Variants in KAZN observed in about 807,000 individuals in gnomAD.
KAZN encodes kazrin.
In KAZN, 40 loss-of-function variants were observed where a neutral mutation model predicts 87.4. That is an observed-to-expected ratio of 0.46 (90% CI 0.36 to 0.60). KAZN has a LOEUF of 0.60. Ranked by LOEUF, KAZN falls within the 20% of genes least tolerant of loss-of-function variation. The probability of loss-of-function intolerance (pLI) is 0.00; values close to 1 mark genes in which losing one functional copy is unlikely to be tolerated. For synonymous variants in KAZN, 466 were observed against 458.3 expected, an observed-to-expected ratio of 1.02 and a Z score of -0.22; for missense variants, 898 against 1,073.9, an observed-to-expected ratio of 0.84 and a Z score of 2.29.
intron 2 of KAZN, among the ~76,000 whole-genome samples, chr1:14,410,365 G>A (rs1664209087): frequency 6.6e-6 from 1 of 152,156 alleles, no homozygotes; most frequent in African/African-American, 2.4e-5. Flanking sequence ...GCCTTCCAAA[G>A]TGCTAGGACT....
At chr1:14,894,978 G>A (rs1475166015) in intron 1 of KAZN, among the ~76,000 whole-genome samples, 1 of 152,260 alleles carries the variant, frequency 6.6e-6, no homozygotes, top group Non-Finnish European at 1.5e-5. Context: ...TAGCCATTTG[G>A]CACAGAAGGC....
At chr1:14,823,007 C>A (rs1646780557) in intron 1 of KAZN, among the ~76,000 whole-genome samples, 1 of 152,144 alleles carries the variant, frequency 6.6e-6, no homozygotes, top group African/African-American at 2.4e-5. Context: ...GGGGGCTTCC[C>A]AAAGAAAATG....
At chr1:14,362,463 T>A (rs557380807) in intron 2 of KAZN, among the ~76,000 whole-genome samples, 2 of 152,154 alleles carry the variant, frequency 1.3e-5, no homozygotes, top group Admixed American at 6.5e-5. Context: ...TTCAACACCT[T>A]CACTATATTT....
Position 15,020,789 on chromosome 1 carries a change from A to C in KAZN, c.419-13960A>C, listed in dbSNP as rs150771269. ...CCTTTCAGACATATACCCAGGTAGG[A>C]ACTCTTTTCATTCCTTTTACAGATG... On this transcript the variant is annotated intron_variant, in intron 2 of 14. Transcript: ENST00000376030. 3.0e-4 allele frequency among the ~76,000 whole-genome samples: 45 copies of C among 152,260 alleles called. No individual in the cohort carries two copies. In the East Asian group the frequency reaches 7.1e-3, roughly 24 times the overall value.
At chr1:14,416,976 A>G (rs534021173) in intron 2 of KAZN, among the ~76,000 whole-genome samples, 2 of 140,100 alleles carry the variant, frequency 1.4e-5, no homozygotes, top group African/African-American at 2.7e-5. Flanking sequence ...ACATATGTAT[A>G]TATGTGTATA....
In KAZN at chr1:14,764,987, C is replaced by G. The variant is rs1644848989; in HGVS notation, c.226+165764C>G. Reference sequence around the variant, plus strand: ...GTGAGTAGCAGAACCAGGCTTGGAACCCAGTTTTCTAAATTATTTCATCTG... The same window carrying G: ...GTGAGTAGCAGAACCAGGCTTGGAAGCCAGTTTTCTAAATTATTTCATCTG... On this transcript the variant is annotated intron_variant, in intron 1 of 14. Coordinates refer to ENST00000376030, the MANE Select transcript of KAZN (RefSeq NM_201628.3). Among the ~76,000 whole-genome samples, 4 of 152,168 alleles carry G rather than the reference C, an allele frequency of 2.6e-5. No homozygotes were observed. In the South Asian group the frequency reaches 8.3e-4, roughly 32 times the overall value.
intron 2 of KAZN, among the ~76,000 whole-genome samples, chr1:14,425,841 TG>T (rs916382633): frequency 6.6e-6 from 1 of 152,136 alleles, no homozygotes; most frequent in African/African-American, 2.4e-5. Context: ...ACCTGGCTAG[TG>T]GGGGTGGAAA....
At chr1:14,794,066 C>G (rs981956536) in intron 1 of KAZN, among the ~76,000 whole-genome samples, 1 of 152,214 alleles carries the variant, frequency 6.6e-6, no homozygotes, top group Non-Finnish European at 1.5e-5. Flanking sequence ...AAAATCTCAC[C>G]TTGAGCCTCA....
rs1050041565 is a variant in KAZN, at chr1:15,077,538, A to G, written c.1222+11785A>G. ...TCGGAGGCCTTGAGTCACTGCAGGA[A>G]TCCTGAGCTCCACCGCTCCTCCGCA... On this transcript the variant is annotated intron_variant, in intron 8 of 14. Transcript: ENST00000376030. This position sits in a 1 kb window ranked among gnomAD's most constrained non-coding sequence, Gnocchi z 4.8. 1.3e-5 allele frequency among the ~76,000 whole-genome samples: 2 copies of G among 152,184 alleles called. No individual in the cohort carries two copies. The highest frequency in any genetic ancestry group is 4.8e-5 in the African/African-American group (2 of 41,452).
intron 2 of KAZN, among the ~76,000 whole-genome samples, chr1:14,467,143 T>C (rs1668202058): frequency 6.6e-6 from 1 of 152,148 alleles, no homozygotes; most frequent in Admixed American, 6.5e-5. Flanking sequence ...TGCCTTGTAA[T>C]GCATAAAATG....
At chr1:14,301,130 A>G (rs1654521005) in intron 2 of KAZN, among the ~76,000 whole-genome samples, 1 of 152,190 alleles carries the variant, frequency 6.6e-6, no homozygotes, top group African/African-American at 2.4e-5. Context: ...CAGTGAACCT[A>G]GGGAGTTACA....
At chr1:14,346,205 G>T (rs1658095899) in intron 2 of KAZN, among the ~76,000 whole-genome samples, 2 of 152,158 alleles carry the variant, frequency 1.3e-5, no homozygotes, top group African/African-American at 2.4e-5. Flanking sequence ...TACTGTACAT[G>T]AAAATGCACA....
intron 2 of KAZN, among the ~76,000 whole-genome samples, chr1:14,182,044 G>C (rs1646209812): frequency 6.6e-6 from 1 of 152,026 alleles, no homozygotes. Context: ...CTCCCACCGA[G>C]TGCCTAATTC....
chr1:14,257,652 A>G (rs562008838), intron 2 of KAZN, among the ~76,000 whole-genome samples: 66 of 150,084 alleles, frequency 4.4e-4, no homozygotes, highest in African/African-American at 1.5e-3. Context: ...TTTGTATAAG[A>G]TGTAAGGAAG....
At chr1:15,035,022 C>T (rs1305442094) in intron 3 of KAZN, 137 bp downstream of exon 3, 1 of 1,064,198 alleles carries the variant, frequency 9.4e-7, no homozygotes, top group South Asian at 1.6e-5. Flanking sequence ...TCCAGCCAGG[C>T]CTAGGCACCG....
chr1:15,001,870 CTTTTTTTTTT>C (rs34948148), intron 2 of KAZN, among the ~76,000 whole-genome samples: 1 of 57,754 alleles, frequency 1.7e-5, no homozygotes, highest in Non-Finnish European at 3.0e-5. Flanking sequence ...AAGTCAAAAT[CTTTTTTTTTT>C]TTTTTTTTTT....
At chr1:15,051,299 G>T (rs1254506772) in intron 4 of KAZN, among the ~76,000 whole-genome samples, 2 of 152,206 alleles carry the variant, frequency 1.3e-5, no homozygotes, top group Admixed American at 6.5e-5. Context: ...CGGAACCTCA[G>T]GCCCTCCTGG....
chr1:14,423,103 A>C (rs1425124822), intron 2 of KAZN, among the ~76,000 whole-genome samples: 1 of 152,242 alleles, frequency 6.6e-6, no homozygotes, highest in East Asian at 1.9e-4. Context: ...GGCCCTGTCT[A>C]CTTAGCACCT....
At chr1:15,059,990 G>C (rs1344651777) in intron 5 of KAZN, among the ~76,000 whole-genome samples, 182 bp from the exon 6 acceptor site, 1 of 152,196 alleles carries the variant, frequency 6.6e-6, no homozygotes, top group East Asian at 1.9e-4. Context: ...CCCAGCAGCT[G>C]CTCTATGGGA....
Sources: gnomAD v4.1 joint callset for allele counts (sites outside exome capture counted in the v4.1 genomes callset) on GRCh38, gnomAD v4.1.1 for gene constraint, Gnocchi (gnomAD v3.1) non-coding constraint, MANE v1.5 for transcripts, NCBI Gene and HGNC (gene_info 2026-07-23, HGNC 2026-07-21) for gene names.